KIF18B: variants seen among roughly 807,000 people sequenced by gnomAD.
KIF18B encodes the protein kinesin family member 18B, also known as kinesin-like protein KIF18B.
KIF18B carries 49 observed loss-of-function variants against 80.9 expected under a neutral mutation model. The observed-to-expected ratio is 0.61, with a 90% CI of 0.48 to 0.77. The LOEUF (loss-of-function observed/expected upper bound fraction) is 0.77, where lower values mean the gene tolerates loss of function less well. Among genes scored for constraint, KIF18B ranks in the 30% least tolerant of loss-of-function variants. The probability of loss-of-function intolerance (pLI) is 0.00; values close to 1 mark genes in which losing one functional copy is unlikely to be tolerated. For missense variants in KIF18B, 994 were observed against 1,127.7 expected (o/e 0.88, Z 1.70); for synonymous variants, 439 against 463.9 (o/e 0.95, Z 0.69).
Position 44,926,133 on chromosome 17 carries a change from T to G in KIF18B, c.2506A>C (p.Ile836Leu). The change falls in exon 16 of 16, where the codon ATC becomes CTC. Residue 836 changes from isoleucine to leucine, a missense_variant. Ile to Leu is a conservative substitution (Grantham distance 5, BLOSUM62 2). Transcript: ENST00000593135. ...GCTGAGAGTGCTCTCCCCACCCTGA[T>G]GAGGTCCTTTCCATTCCTCCGGTTG... ...PSNRRNGKDL[I>L]RVGRALSAGN... The G allele has an allele frequency of 1.2e-6, 2 of 1,613,902 alleles. No homozygotes were observed. The highest frequency in any genetic ancestry group is 1.7e-6 in the Non-Finnish European group (2 of 1,179,862).
Position 44,927,095 on chromosome 17 carries a change from G to A in KIF18B, c.2277-17C>T, listed in dbSNP as rs1206882375. The A allele has an allele frequency of 6.3e-7, 1 of 1,590,054 alleles. No individual in the cohort carries two copies. The highest frequency in any genetic ancestry group is 2.2e-5 in the East Asian group (1 of 44,616). ...ACAGGTGCCCTGGGGAGGGAGGACA[G>A]GGAAGGAGGCTGATCAGCAGGGAAC... On this transcript the variant is annotated splice_polypyrimidine_tract_variant and intron_variant, in intron 13 of 15. Transcript: ENST00000593135. This position sits in a 1 kb window ranked among gnomAD's most constrained non-coding sequence, Gnocchi z 4.1.
intron 12 of KIF18B, 53 bp downstream of exon 12, chr17:44,928,766 G>T: frequency 6.4e-7 from 1 of 1,568,920 alleles, no homozygotes. Flanking sequence ...CCCCAGTGGG[G>T]CCTTGAAGAC....
chr17:44,934,261 T>C lies in KIF18B; in HGVS notation c.857A>G (p.Asn286Ser), dbSNP rs1597883825. 1 of 1,612,896 alleles carries C rather than the reference T, an allele frequency of 6.2e-7. No homozygotes were observed. The highest frequency in any genetic ancestry group is 8.5e-7 in the Non-Finnish European group (1 of 1,179,622). Residue 286 changes from asparagine (N) to serine (S), a missense_variant, in exon 6 of 16, where the codon AAC (asparagine) becomes AGC (serine). Asn to Ser is a conservative substitution (Grantham distance 46). Transcript: ENST00000593135. This position sits in a 1 kb window ranked among gnomAD's most constrained non-coding sequence, Gnocchi z 5.4. ...NINRSLLALI[N>S]VLNALADAKG... ...TGCATCGGCCAAGGCATTGAGGACG[T>C]TGATGAGCGCCAGCAGAGAGCGGTT...
At position 44,927,614 on chromosome 17, in the gene KIF18B, T is replaced by A. The variant is rs1597874491; in HGVS notation, c.2276+412A>T. ...CCAGATGCTGGGCCGGAGGCCAAAA[T>A]CTGGAGTAGAAGTGGCAGAAAGAGG... On this transcript the variant is annotated intron_variant, in intron 13 of 15. Transcript: ENST00000593135. This position sits in a 1 kb window ranked among gnomAD's most constrained non-coding sequence, Gnocchi z 4.1. Among the ~76,000 whole-genome samples the A allele has an allele frequency of 6.6e-6, 1 of 152,306 alleles. No homozygotes were observed. Among genetic ancestry groups the A allele is most frequent in the Non-Finnish European group, 1.5e-5 (1 of 68,018 alleles).
intron 9 of KIF18B, 190 bp downstream of exon 9, chr17:44,932,482 GC>G: frequency 1.7e-6 from 1 of 596,888 alleles, no homozygotes; most frequent in Non-Finnish European, 3.0e-6. Flanking sequence ...GGGCTGGGGT[GC>G]CATTTACTCA....
Position 44,936,359 on chromosome 17 carries a change from C to A in KIF18B, c.-14-1G>T. ...TCCACTGCCATCACTGTGGTGACACCTGGGTGAGACATGGTGGAGCTGAGG... is the reference window on the plus strand; with the variant it reads ...TCCACTGCCATCACTGTGGTGACACATGGGTGAGACATGGTGGAGCTGAGG... On this transcript the variant is annotated splice_acceptor_variant, in intron 1 of 15. Transcript: ENST00000593135. LOFTEE classifies it low-confidence loss of function (5UTR_SPLICE). 6.3e-7 allele frequency: 1 copy of A among 1,591,220 alleles called. No individual in the cohort carries two copies. Among genetic ancestry groups the A allele is most frequent in the Non-Finnish European group, 8.5e-7 (1 of 1,170,510 alleles).
rs1445422937 is a variant in KIF18B, at chr17:44,934,805, C to A, written c.576+26G>T. On this transcript the variant is annotated intron_variant, in intron 4 of 15. Transcript: ENST00000593135. The surrounding 1 kb of genome is among the most constrained non-coding windows in gnomAD (Gnocchi z 5.4). ...AACCCCAAGGACCCATGGGGCCGATCATCCTACCCGAGCCCAATCCCACAC... is the reference window on the plus strand; with the variant it reads ...AACCCCAAGGACCCATGGGGCCGATAATCCTACCCGAGCCCAATCCCACAC... 1.3e-6 allele frequency: 2 copies of A among 1,495,238 alleles called. No homozygotes were observed. Among genetic ancestry groups the A allele is most frequent in the African/African-American group, 2.8e-5 (2 of 71,874 alleles). 92.6% of individuals were successfully genotyped at this position (1,495,238 alleles called of 1,614,324 possible).
chr17:44,941,347 T>C (rs963198473), intron 1 of KIF18B, among the ~76,000 whole-genome samples: 10 of 151,048 alleles, frequency 6.6e-5, no homozygotes, highest in Non-Finnish European at 1.0e-4. Context: ...TTTCTTTTTT[T>C]TTTTTTTTTG....
rs193109978 is a variant in KIF18B at position 44,929,235 on chromosome 17, G to A, written c.1518-211C>T. On this transcript the variant is annotated intron_variant, in intron 11 of 15. Transcript: ENST00000593135. The stretch of plus-strand genomic sequence containing the variant: ...TCTGCTATTGCTGAAGGCCAAGGCC[G>A]ACCAGGATGGCCACGGGTAATGGTG... Among the ~76,000 whole-genome samples the A allele has an allele frequency of 5.3e-5, 8 of 152,316 alleles. No individual in the cohort carries two copies. In the South Asian group the frequency reaches 8.3e-4, roughly 16 times the overall value.
At chr17:44,946,112 A>G (rs373045229) in intron 1 of KIF18B, among the ~76,000 whole-genome samples, 1 of 152,106 alleles carries the variant, frequency 6.6e-6, no homozygotes, top group Non-Finnish European at 1.5e-5. Flanking sequence ...TTGCTTATGT[A>G]AAAAGATTAT....
chr17:44,930,303 T>TG lies in KIF18B; in HGVS notation c.1518-1280dup, dbSNP rs145461194. 1.8e-3 allele frequency among the ~76,000 whole-genome samples: 280 copies of TG among 152,284 alleles called. 1 individual carries two copies. Among genetic ancestry groups the TG allele is most frequent in the African/African-American group, 6.5e-3 (272 of 41,556 alleles). ...AGGCTTCAGTGCCCCATCTGACAAA[T>TG]GGGGAGCTGGTCTAAATCTGGAGTT... On this transcript the variant is annotated intron_variant, in intron 11 of 15. Transcript: ENST00000593135.
chr17:44,936,297 G>T lies in KIF18B; in HGVS notation c.48C>A (p.Pro16=). Residue 16 remains proline (P), a synonymous_variant, in exon 2 of 16, where the codon CCC becomes CCA. Transcript: ENST00000593135. The stretch of plus-strand genomic sequence containing the variant: ...GACTGTCCAGCTCCCGAGGGGTGGG[G>T]GGCCGCACCCGTACCACTACTTGCA... ...STLQVVVRVR[P]PTPRELDSQR... is the part of the protein sequence containing the mutation. 6.2e-7 allele frequency: 1 copy of T among 1,610,376 alleles called. No individual in the cohort carries two copies. Among genetic ancestry groups the T allele is most frequent in the Non-Finnish European group, 8.5e-7 (1 of 1,179,104 alleles).
Position 44,928,412 on chromosome 17 carries a change from C to G in KIF18B, c.1890G>C (p.Arg630Ser). 1 of 1,549,950 alleles carries G rather than the reference C, an allele frequency of 6.5e-7. No homozygotes were observed. Among genetic ancestry groups the G allele is most frequent in the South Asian group, 1.2e-5 (1 of 84,724 alleles). The change falls in exon 13 of 16, where the codon AGG (arginine) becomes AGC (serine). Residue 630 changes from arginine (R) to serine (S), a missense_variant. Coordinates refer to ENST00000593135, the MANE Select transcript of KIF18B (RefSeq NM_001265577.2). ...TGTCTGCCTCCAAGGCGCTTGGTCTCCTCCTCTTCTTCTCCATGGGCCATC... is the reference window on the plus strand; with the variant it reads ...TGTCTGCCTCCAAGGCGCTTGGTCTGCTCCTCTTCTTCTCCATGGGCCATC... ...GSRWPMEKKR[R>S]RPSALEADSP...
At chr17:44,943,220 C>T (rs1358119071) in intron 1 of KIF18B, among the ~76,000 whole-genome samples, 1 of 152,184 alleles carries the variant, frequency 6.6e-6, no homozygotes, top group Non-Finnish European at 1.5e-5. Context: ...CTGCCTCAGC[C>T]TCCCAAGTAG....
Position 44,927,632 on chromosome 17 carries a change from GAA to G in KIF18B, c.2276+392_2276+393del, listed in dbSNP as rs1277005206. On this transcript the variant is annotated intron_variant, in intron 13 of 15. Coordinates refer to ENST00000593135, the MANE Select transcript of KIF18B (RefSeq NM_001265577.2). The surrounding 1 kb of genome is among the most constrained non-coding windows in gnomAD (Gnocchi z 4.1). ...GCCAAAATCTGGAGTAGAAGTGGCA[GAA>G]AGAGGTATTTCCCAGTGGAACATAG... 2.0e-5 allele frequency among the ~76,000 whole-genome samples: 3 copies of G among 152,260 alleles called. No individual in the cohort carries two copies. The highest frequency in any genetic ancestry group is 2.9e-5 in the Non-Finnish European group (2 of 68,042).
At chr17:44,933,083 G>T in intron 7 of KIF18B, 97 bp from the exon 8 acceptor site, 2 of 1,123,928 alleles carry the variant, frequency 1.8e-6, no homozygotes, top group Non-Finnish European at 2.6e-6. Context: ...TCTCTCCCAC[G>T]TCCCCATGAC....
At chr17:44,928,713 C>A in intron 12 of KIF18B, 106 bp downstream of exon 12, 1 of 1,407,880 alleles carries the variant, frequency 7.1e-7, no homozygotes, top group Non-Finnish European at 9.5e-7. Context: ...CAGCCTCCTA[C>A]AGCAGCAAAA....
Position 44,934,141 on chromosome 17 carries a change from C to T in KIF18B, c.886-42G>A, listed in dbSNP as rs2052223564. The stretch of plus-strand genomic sequence containing the variant: ...AGGTGTGGGGTGAGGCGACTGATGG[C>T]ACTGACCCAGGATGGGGCCCTGTGG... On this transcript the variant is annotated intron_variant, in intron 6 of 15. Transcript: ENST00000593135. The surrounding 1 kb of genome is among the most constrained non-coding windows in gnomAD (Gnocchi z 5.4). The T allele has an allele frequency of 6.2e-7, 1 of 1,604,934 alleles. No individual in the cohort carries two copies. Among genetic ancestry groups the T allele is most frequent in the Non-Finnish European group, 8.5e-7 (1 of 1,175,718 alleles).
chr17:44,947,113 CAAAAAAAAAAA>C (rs57955845), intron 1 of KIF18B, among the ~76,000 whole-genome samples: 988 of 54,044 alleles, frequency 0.018, 17 homozygotes, highest in East Asian at 0.046. Flanking sequence ...ACTCCATCTC[CAAAAAAAAAAA>C]AAAAAAAAAA....
Sources: allele counts gnomAD v4.1 joint callset (sites outside exome capture counted in the v4.1 genomes callset), GRCh38; gene constraint gnomAD v4.1.1; non-coding constraint Gnocchi (gnomAD v3.1); transcripts MANE v1.5; gene names NCBI Gene and HGNC (gene_info 2026-07-23, HGNC 2026-07-21).